The following STK32B variants were observed in gnomAD, a reference collection of about 807,000 sequenced individuals.
The protein encoded by STK32B is serine/threonine kinase 32B, also known as serine/threonine-protein kinase 32B.
In STK32B, 43 loss-of-function variants were observed where a neutral mutation model predicts 52.6. That is an observed-to-expected ratio of 0.82 (90% CI 0.64 to 1.05). The LOEUF is 1.05. Among genes scored for constraint, STK32B ranks in the 50% least tolerant of loss-of-function variants. The probability of loss-of-function intolerance (pLI) is 0.00; values close to 1 mark genes in which losing one functional copy is unlikely to be tolerated. For missense variants in STK32B, 621 were observed against 534.6 expected, an observed-to-expected ratio of 1.16 and a Z score of -1.59; for synonymous variants, 238 against 204.3, an observed-to-expected ratio of 1.17 and a Z score of -1.41.
At chr4:5,070,397 T>G (rs1419850431) in intron 1 of STK32B, among the ~76,000 whole-genome samples, 2 of 152,138 alleles carry the variant, frequency 1.3e-5, no homozygotes, top group Non-Finnish European at 2.9e-5. Context: ...GGGGCTGGAA[T>G]GGGGACTTAG....
At chr4:5,326,605 G>A (rs1373221330) in intron 3 of STK32B, among the ~76,000 whole-genome samples, 4 of 152,100 alleles carry the variant, frequency 2.6e-5, no homozygotes, top group African/African-American at 9.7e-5. Flanking sequence ...TATTCAGTGT[G>A]CAACAGCATT....
At chr4:5,039,469 T>C in the STK32B span, among the ~76,000 whole-genome samples, 1 of 152,228 alleles carries the variant, frequency 6.6e-6, no homozygotes, top group African/African-American at 2.4e-5. Flanking sequence ...TTAGGGGCAG[T>C]GACATGCATG....
At chr4:5,097,788 T>C (rs1187256690) in intron 1 of STK32B, among the ~76,000 whole-genome samples, 2 of 152,236 alleles carry the variant, frequency 1.3e-5, no homozygotes, top group African/African-American at 2.4e-5. Context: ...GAGGGCAGTG[T>C]ATCAGTTAGC....
Position 5,249,809 on chromosome 4 carries a change from A to G in STK32B, c.260+81359A>G, listed in dbSNP as rs147831374. Among the ~76,000 whole-genome samples, 307 of 152,194 alleles carry G rather than the reference A, an allele frequency of 2.0e-3. 2 individuals carry two copies. Among genetic ancestry groups the G allele is most frequent in the African/African-American group, 7.0e-3 (290 of 41,512 alleles). ...TCAGAGGTATACATGCAAGTTTGTT[A>G]TATAGGTAAATTGCATGTCACAGGG... On this transcript the variant is annotated intron_variant, in intron 3 of 11. Transcript: ENST00000282908.
At chr4:5,077,088 C>T (rs1166538635) in intron 1 of STK32B, among the ~76,000 whole-genome samples, 1 of 152,144 alleles carries the variant, frequency 6.6e-6, no homozygotes, top group Non-Finnish European at 1.5e-5. Flanking sequence ...ACTGTAAGCT[C>T]CATGTGGGCA....
intron 3 of STK32B, among the ~76,000 whole-genome samples, chr4:5,211,702 T>G (rs1031237): frequency 0.78 from 118,479 of 152,104 alleles, 46,628 homozygotes; most frequent in East Asian, 0.91. Context: ...GAGGTCAGCA[T>G]CATCCTCTCT....
chr4:5,136,246 A>G (rs1294259174), intron 1 of STK32B, among the ~76,000 whole-genome samples: 2 of 152,144 alleles, frequency 1.3e-5, no homozygotes, highest in Non-Finnish European at 2.9e-5. Context: ...GTGTTGTTCC[A>G]TTGTCTTCAT....
chr4:5,409,994 T>G (rs569979967), intron 5 of STK32B, among the ~76,000 whole-genome samples: 1 of 152,302 alleles, frequency 6.6e-6, no homozygotes, highest in South Asian at 2.1e-4. Context: ...GGAATTTGAT[T>G]GGGCTTCTTT....
At chr4:5,236,608 G>A (rs1724655760) in intron 3 of STK32B, among the ~76,000 whole-genome samples, 1 of 152,192 alleles carries the variant, frequency 6.6e-6, no homozygotes, top group Non-Finnish European at 1.5e-5. Context: ...AGTACACACA[G>A]CACCGTGCCT....
chr4:5,287,249 G>T (rs1271058788), intron 3 of STK32B, among the ~76,000 whole-genome samples: 1 of 152,166 alleles, frequency 6.6e-6, no homozygotes, highest in African/African-American at 2.4e-5. Flanking sequence ...CAACAGAATT[G>T]ATCTTCATCT....
At chr4:5,129,424 G>T (rs1412133458) in intron 1 of STK32B, among the ~76,000 whole-genome samples, 1 of 152,140 alleles carries the variant, frequency 6.6e-6, no homozygotes, top group Non-Finnish European at 1.5e-5. Context: ...TAGAGGTTTT[G>T]TCTCTCTTGT....
At chr4:5,121,865 G>T (rs1469451098) in intron 1 of STK32B, among the ~76,000 whole-genome samples, 1 of 152,126 alleles carries the variant, frequency 6.6e-6, no homozygotes, top group Non-Finnish European at 1.5e-5. Context: ...CTTGTCCTGG[G>T]CACCACTTGG....
At chr4:5,303,731 G>C (rs954642214) in intron 3 of STK32B, among the ~76,000 whole-genome samples, 1 of 151,968 alleles carries the variant, frequency 6.6e-6, no homozygotes, top group Non-Finnish European at 1.5e-5. Flanking sequence ...TTTGCTTTTG[G>C]GGTTTTGGTC....
intron 3 of STK32B, among the ~76,000 whole-genome samples, chr4:5,269,726 GA>G (rs1330125532): frequency 1.2e-4 from 18 of 152,084 alleles, no homozygotes; most frequent in African/African-American, 4.3e-4. Flanking sequence ...ACATATTATA[GA>G]AAAAAATTAG....
intron 2 of STK32B, among the ~76,000 whole-genome samples, chr4:5,168,055 C>T (rs1719024819): frequency 6.6e-6 from 1 of 152,168 alleles, no homozygotes; most frequent in African/African-American, 2.4e-5. Flanking sequence ...TGCATCTCCT[C>T]TTTCAACACT....
intron 6 of STK32B, among the ~76,000 whole-genome samples, chr4:5,435,466 G>A (rs1713979609): frequency 6.6e-6 from 1 of 152,132 alleles, no homozygotes; most frequent in African/African-American, 2.4e-5. Context: ...TCCTCTGCAA[G>A]AATCCTGAGC....
At chr4:5,112,431 A>G (rs942392473) in intron 1 of STK32B, among the ~76,000 whole-genome samples, 2 of 152,164 alleles carry the variant, frequency 1.3e-5, no homozygotes, top group Non-Finnish European at 2.9e-5. Flanking sequence ...TCGAGACCCA[A>G]GAAGAGCTGA....
chr4:5,172,510 T>C lies in STK32B; in HGVS notation c.260+4060T>C, dbSNP rs1343737331. ...CAATACCTAATTTATTGAGAGTTTTTAGCATGAAGGGTTGTTGAATTTTGT... is the reference window on the plus strand; with the variant it reads ...CAATACCTAATTTATTGAGAGTTTTCAGCATGAAGGGTTGTTGAATTTTGT... On this transcript the variant is annotated intron_variant, in intron 3 of 11. Transcript: ENST00000282908. Among the ~76,000 whole-genome samples, 5 of 152,142 alleles carry C rather than the reference T, an allele frequency of 3.3e-5. No homozygotes were observed. The East Asian group carries it at 9.6e-4, about 29-fold the overall frequency.
At chr4:5,322,006 T>TAA (rs71169693) in intron 3 of STK32B, among the ~76,000 whole-genome samples, 2 of 37,822 alleles carry the variant, frequency 5.3e-5, no homozygotes, top group Non-Finnish European at 1.1e-4. Context: ...CAAGTCAAAT[T>TAA]AAAAAAAAAA....
Sources: gnomAD v4.1 joint callset for allele counts (sites outside exome capture counted in the v4.1 genomes callset) on GRCh38, gnomAD v4.1.1 for gene constraint, MANE v1.5 for transcripts, NCBI Gene and HGNC (gene_info 2026-07-23, HGNC 2026-07-21) for gene names.